Variants in ADGRL3 observed in about 807,000 individuals in gnomAD.
ADGRL3 encodes the protein adhesion G protein-coupled receptor L3, also known as calcium-independent alpha-latrotoxin receptor 3.
Under a neutral mutation model 153.5 loss-of-function variants are expected in ADGRL3, and 62 were observed. The ratio of observed to expected loss-of-function variants is 0.40; its 90% confidence interval spans 0.33 to 0.50. ADGRL3 has a LOEUF of 0.50. Among genes scored for constraint, ADGRL3 ranks in the 20% least tolerant of loss-of-function variants. ADGRL3 has a pLI of 0.47. For synonymous variants in ADGRL3, 710 were observed against 672.5 expected (o/e 1.06, Z -0.86); for missense variants, 1,641 against 1,859.4 (o/e 0.88, Z 2.16).
intron 1 of ADGRL3, among the ~76,000 whole-genome samples, chr4:61,254,931 A>G (rs2091813884): frequency 6.6e-6 from 1 of 151,988 alleles, no homozygotes; most frequent in South Asian, 2.1e-4. Flanking sequence ...CACAGCACCA[A>G]TGGCTTCCTT....
chr4:61,470,122 A>G (rs546929076), intron 2 of ADGRL3, among the ~76,000 whole-genome samples: 1 of 152,194 alleles, frequency 6.6e-6, no homozygotes, highest in East Asian at 1.9e-4. Context: ...GGAGTATGAA[A>G]GAGTAAACAT....
chr4:61,898,267 C>T (rs1304880806), intron 11 of ADGRL3, among the ~76,000 whole-genome samples: 1 of 152,122 alleles, frequency 6.6e-6, no homozygotes, highest in Non-Finnish European at 1.5e-5. Context: ...TTTCTCCACT[C>T]CCTTCTCTCA....
chr4:61,901,216 C>T (rs72614742), intron 11 of ADGRL3, among the ~76,000 whole-genome samples: 17,121 of 152,218 alleles, frequency 0.11, 1,021 homozygotes, highest in East Asian at 0.14. Flanking sequence ...CTATTTCTAA[C>T]AAACCAAAGT....
At chr4:61,580,612 A>T (rs1401920299) in intron 4 of ADGRL3, among the ~76,000 whole-genome samples, 1 of 152,038 alleles carries the variant, frequency 6.6e-6, no homozygotes, top group Non-Finnish European at 1.5e-5. Context: ...GAGTAGTTTA[A>T]TTAGTTGGGT....
At chr4:61,693,391 G>T in intron 6 of ADGRL3, among the ~76,000 whole-genome samples, 1 of 151,200 alleles carries the variant, frequency 6.6e-6, no homozygotes, top group African/African-American at 2.4e-5. Flanking sequence ...ACAAACCAAA[G>T]ATACAGCATG....
At chr4:61,618,722 T>G (rs2092265114) in intron 5 of ADGRL3, among the ~76,000 whole-genome samples, 1 of 152,148 alleles carries the variant, frequency 6.6e-6, no homozygotes, top group Admixed American at 6.5e-5. Context: ...GTTCGTTTGT[T>G]TGTTTTGTTT....
At chr4:61,785,679 A>G (rs1414833030) in intron 8 of ADGRL3, among the ~76,000 whole-genome samples, 1 of 152,192 alleles carries the variant, frequency 6.6e-6, no homozygotes, top group African/African-American at 2.4e-5. Context: ...CTTTAACCAA[A>G]TAAAAGCTCA....
At chr4:61,788,603 T>C (rs2097304545) in intron 8 of ADGRL3, among the ~76,000 whole-genome samples, 1 of 152,110 alleles carries the variant, frequency 6.6e-6, no homozygotes, top group Non-Finnish European at 1.5e-5. Context: ...AGAAAAACAA[T>C]TCTGGTAATT....
At chr4:61,606,442 T>C (rs1201785836) in intron 5 of ADGRL3, among the ~76,000 whole-genome samples, 1 of 152,196 alleles carries the variant, frequency 6.6e-6, no homozygotes, top group Non-Finnish European at 1.5e-5. Flanking sequence ...AAGTTCAAGA[T>C]CAAGGTATTG....
At chr4:61,789,243 C>T (rs2097312421) in intron 8 of ADGRL3, among the ~76,000 whole-genome samples, 1 of 151,962 alleles carries the variant, frequency 6.6e-6, no homozygotes, top group Non-Finnish European at 1.5e-5. Context: ...ACACTTTTCA[C>T]TAAATAATAC....
intron 19 of ADGRL3, among the ~76,000 whole-genome samples, chr4:61,991,458 C>T (rs148276918): frequency 8.7e-4 from 133 of 152,026 alleles, no homozygotes; most frequent in African/African-American, 2.9e-3. Flanking sequence ...ATGTAGGATG[C>T]ATTTTGCTGA....
chr4:61,386,124 T>G (rs1231242234), intron 2 of ADGRL3, among the ~76,000 whole-genome samples: 5 of 152,304 alleles, frequency 3.3e-5, no homozygotes, highest in South Asian at 2.1e-4. Flanking sequence ...CATTTTTAAC[T>G]AAATGAGTCC....
At chr4:61,577,047 A>T (rs768678383) in intron 4 of ADGRL3, among the ~76,000 whole-genome samples, 1 of 152,026 alleles carries the variant, frequency 6.6e-6, no homozygotes, top group Non-Finnish European at 1.5e-5. Flanking sequence ...TTTATGCTTC[A>T]GAATTAGAAA....
intron 19 of ADGRL3, among the ~76,000 whole-genome samples, chr4:61,988,848 A>G (rs2099094619): frequency 6.6e-6 from 1 of 152,132 alleles, no homozygotes; most frequent in Non-Finnish European, 1.5e-5. Context: ...AATAGTTTCT[A>G]AATATGTGGA....
intron 6 of ADGRL3, among the ~76,000 whole-genome samples, chr4:61,704,862 C>T (rs889647033): frequency 7.9e-5 from 12 of 152,190 alleles, no homozygotes; most frequent in African/African-American, 2.9e-4. Flanking sequence ...TAGGTAGCAG[C>T]TTCTCATTGT....
intron 17 of ADGRL3, among the ~76,000 whole-genome samples, chr4:61,963,254 T>A (rs1164870554): frequency 1.3e-5 from 2 of 152,094 alleles, no homozygotes; most frequent in East Asian, 1.9e-4. Flanking sequence ...TGACTATTTT[T>A]TTTTTCCTTT....
At chr4:61,536,446 T>C (rs555653805) in intron 4 of ADGRL3, among the ~76,000 whole-genome samples, 3 of 152,228 alleles carry the variant, frequency 2.0e-5, no homozygotes, top group African/African-American at 4.8e-5. Context: ...GTTTTCTGCG[T>C]TGATAATCTA....
intron 1 of ADGRL3, among the ~76,000 whole-genome samples, chr4:61,271,556 T>C (rs2093180830): frequency 6.6e-6 from 1 of 151,994 alleles, no homozygotes; most frequent in Non-Finnish European, 1.5e-5. Context: ...CTGAGACAGG[T>C]AAGGAAACAG....
intron 8 of ADGRL3, among the ~76,000 whole-genome samples, chr4:61,773,160 G>A (rs186181729): frequency 1.8e-3 from 278 of 152,262 alleles, no homozygotes; most frequent in African/African-American, 6.5e-3. Flanking sequence ...ACATGCACTT[G>A]TCCAGGTGGA....
Sources: allele counts gnomAD v4.1 joint callset (sites outside exome capture counted in the v4.1 genomes callset), GRCh38; gene constraint gnomAD v4.1.1; transcripts MANE v1.5; gene names NCBI Gene and HGNC (gene_info 2026-07-23, HGNC 2026-07-21).